CAMTA1: variants seen among roughly 807,000 people sequenced by gnomAD.
CAMTA1 encodes the protein calmodulin-binding transcription activator 1.
CAMTA1 carries 27 observed loss-of-function variants against 170.9 expected under a neutral mutation model. That is an observed-to-expected ratio of 0.16 (90% CI 0.12 to 0.22). The LOEUF is 0.22. Ranked by LOEUF, CAMTA1 falls within the 10% of genes least tolerant of loss-of-function variation. The pLI is 1.00. For missense variants in CAMTA1, 1,619 were observed against 2,217.2 expected, an observed-to-expected ratio of 0.73 and a Z score of 5.42; for synonymous variants, 833 against 891.5, an observed-to-expected ratio of 0.93 and a Z score of 1.17.
chr1:6,943,190 C>T (rs1261106477), intron 3 of CAMTA1, among the ~76,000 whole-genome samples: 1 of 151,814 alleles, frequency 6.6e-6, no homozygotes, highest in Admixed American at 6.6e-5. Context: ...TCCCCTCCGT[C>T]CTTCCTCCCC....
intron 1 of CAMTA1, among the ~76,000 whole-genome samples, chr1:6,795,147 T>G (rs777091277): frequency 4.6e-5 from 7 of 152,178 alleles, no homozygotes; most frequent in Non-Finnish European, 1.0e-4. Flanking sequence ...ACACAACTAG[T>G]CATCACCTGT....
At chr1:6,914,473 A>G (rs1167724065) in intron 3 of CAMTA1, among the ~76,000 whole-genome samples, 1 of 152,222 alleles carries the variant, frequency 6.6e-6, no homozygotes, top group South Asian at 2.1e-4. Context: ...AGGCTTTCAA[A>G]TAAATGAATA....
chr1:7,502,395 G>T (rs1417718892), intron 6 of CAMTA1, among the ~76,000 whole-genome samples: 4 of 152,226 alleles, frequency 2.6e-5, no homozygotes, highest in Admixed American at 6.5e-5. Flanking sequence ...GAGTTCTCCA[G>T]AGGAAATGCA....
chr1:7,428,004 GC>G (rs2091951562), intron 5 of CAMTA1, among the ~76,000 whole-genome samples: 1 of 152,234 alleles, frequency 6.6e-6, no homozygotes, highest in African/African-American at 2.4e-5. Context: ...ACGTGCTGCT[GC>G]CACGGGAGGG....
intron 19 of CAMTA1, 47 bp downstream of exon 19, chr1:7,747,828 G>C: frequency 7.3e-7 from 1 of 1,365,764 alleles, no homozygotes; most frequent in South Asian, 1.2e-5. Context: ...CCCCACCCAA[G>C]GCCACTGAAG....
chr1:7,018,164 C>T, intron 3 of CAMTA1, among the ~76,000 whole-genome samples: 1 of 150,390 alleles, frequency 6.6e-6, no homozygotes, highest in South Asian at 2.1e-4. Flanking sequence ...TCTCAGGAGT[C>T]TCCTTTGTGG....
intron 22 of CAMTA1, among the ~76,000 whole-genome samples, chr1:7,765,863 A>G (rs2097018191): frequency 1.3e-5 from 2 of 151,956 alleles, no homozygotes; most frequent in South Asian, 2.1e-4. Flanking sequence ...TGTCTCTACT[A>G]AAAAATACAG....
At chr1:6,842,687 C>T (rs1003839243) in intron 3 of CAMTA1, among the ~76,000 whole-genome samples, 5 of 152,086 alleles carry the variant, frequency 3.3e-5, no homozygotes, top group African/African-American at 4.8e-5. Flanking sequence ...TTTGGGAGGC[C>T]GAGGCAGGTG....
intron 4 of CAMTA1, among the ~76,000 whole-genome samples, chr1:7,237,656 C>A (rs1445053938): frequency 6.6e-6 from 1 of 152,232 alleles, no homozygotes; most frequent in Non-Finnish European, 1.5e-5. Context: ...CATCACCCCT[C>A]TGATCTTCAG....
intron 3 of CAMTA1, among the ~76,000 whole-genome samples, chr1:7,068,559 A>C (rs1249095772): frequency 6.6e-6 from 1 of 152,174 alleles, no homozygotes; most frequent in Admixed American, 6.5e-5. Context: ...GTGAGGTGCC[A>C]GAGAAAATCC....
intron 3 of CAMTA1, among the ~76,000 whole-genome samples, chr1:7,038,901 A>G (rs1464775529): frequency 6.6e-6 from 1 of 152,078 alleles, no homozygotes; most frequent in Non-Finnish European, 1.5e-5. Context: ...TTAGCCGGTC[A>G]TAGTGGCAGG....
At chr1:7,124,657 G>A (rs1037579463) in intron 4 of CAMTA1, among the ~76,000 whole-genome samples, 13 of 152,318 alleles carry the variant, frequency 8.5e-5, no homozygotes, top group Middle Eastern at 3.4e-3. Context: ...TGGCTCTGCC[G>A]TCAGGAAACG....
intron 4 of CAMTA1, among the ~76,000 whole-genome samples, chr1:7,169,677 G>A (rs1291178439): frequency 6.6e-6 from 1 of 151,972 alleles, no homozygotes; most frequent in African/African-American, 2.4e-5. Flanking sequence ...ACACTCAGCT[G>A]ATTTTTGTAT....
rs574372541 is a variant in CAMTA1 at position 7,254,853 on chromosome 1, A to G, written c.438+5227A>G. On this transcript the variant is annotated intron_variant, in intron 5 of 22. Coordinates refer to ENST00000303635, the MANE Select transcript of CAMTA1 (RefSeq NM_015215.4). The stretch of plus-strand genomic sequence containing the variant: ...AAACATTTTAAATAGCCAGCCATGA[A>G]CATGTATGGTGCCCAAATCAAGTTT... 2.0e-5 allele frequency among the ~76,000 whole-genome samples: 3 copies of G among 152,342 alleles called. No homozygotes were observed. The South Asian group carries it at 6.2e-4, about 32-fold the overall frequency.
chr1:7,204,059 C>T (rs1333701290), intron 4 of CAMTA1, among the ~76,000 whole-genome samples: 5 of 151,726 alleles, frequency 3.3e-5, no homozygotes, highest in Admixed American at 6.6e-5. Context: ...AAGATGGTCT[C>T]GATCTCCTGA....
In CAMTA1 at chr1:7,742,796, C is replaced by T. The variant is rs191980376; in HGVS notation, c.4183-2039C>T. ...GATTTACTTCCTACCGTTTGAGTCA[C>T]AAATCAAGACGGCCAATAGAGAAGG... On this transcript the variant is annotated intron_variant, in intron 16 of 22. Coordinates refer to ENST00000303635, the MANE Select transcript of CAMTA1 (RefSeq NM_015215.4). Among the ~76,000 whole-genome samples, 1,035 of 152,272 alleles carry T rather than the reference C, an allele frequency of 6.8e-3. 10 individuals are homozygous for T. The highest frequency in any genetic ancestry group is 1.0e-2 in the Non-Finnish European group (677 of 68,028).
At chr1:7,440,324 A>T (rs2092483562) in intron 5 of CAMTA1, among the ~76,000 whole-genome samples, 1 of 152,234 alleles carries the variant, frequency 6.6e-6, no homozygotes. Flanking sequence ...TCCTCACTGC[A>T]GCCTGGGCAG....
intron 3 of CAMTA1, among the ~76,000 whole-genome samples, chr1:6,877,349 A>G (rs936930548): frequency 2.0e-5 from 3 of 152,156 alleles, no homozygotes; most frequent in Non-Finnish European, 2.9e-5. Flanking sequence ...TTAGGTGTCC[A>G]TCCTGATGGT....
At chr1:7,365,480 T>C (rs1293675821) in intron 5 of CAMTA1, among the ~76,000 whole-genome samples, 1 of 152,184 alleles carries the variant, frequency 6.6e-6, no homozygotes, top group African/African-American at 2.4e-5. Context: ...TTTTTTTTAA[T>C]GCTTCTAAAA....
Sources: gnomAD v4.1 joint callset for allele counts (sites outside exome capture counted in the v4.1 genomes callset) on GRCh38, gnomAD v4.1.1 for gene constraint, MANE v1.5 for transcripts, NCBI Gene and HGNC (gene_info 2026-07-23, HGNC 2026-07-21) for gene names.